Variants in ABLIM1 observed in about 807,000 individuals in gnomAD.
ABLIM1 encodes actin binding LIM protein 1.
A neutral mutation model predicts 107.0 loss-of-function variants in ABLIM1; 40 were observed. That is an observed-to-expected ratio of 0.37 (90% CI 0.29 to 0.49). The LOEUF is 0.49. ABLIM1 is among the 20% of genes least tolerant of loss of function. ABLIM1 has a pLI of 0.97. For missense variants in ABLIM1, 857 were observed against 1,008.5 expected (o/e 0.85, Z 2.04); for synonymous variants, 357 against 357.3 (o/e 1.00, Z 0.01).
intron 1 of ABLIM1, among the ~76,000 whole-genome samples, chr10:114,709,665 A>G (rs1443166657): frequency 6.6e-6 from 1 of 152,236 alleles, no homozygotes; most frequent in Non-Finnish European, 1.5e-5. Flanking sequence ...CATAGAAAAA[A>G]CTACAAAGTT....
chr10:114,669,819 GGGGGATCT>G (rs1325891161), intron 1 of ABLIM1, among the ~76,000 whole-genome samples: 1 of 152,140 alleles, frequency 6.6e-6, no homozygotes, highest in East Asian at 1.9e-4. Context: ...CGGGAGGGAA[GGGGGATCT>G]GGGGATCTGG....
intron 1 of ABLIM1, among the ~76,000 whole-genome samples, chr10:114,696,530 T>C (rs546555667): frequency 6.6e-6 from 1 of 152,194 alleles, no homozygotes; most frequent in East Asian, 1.9e-4. Flanking sequence ...TTCTCATGTG[T>C]TGTGGGAGGG....
intron 6 of ABLIM1, among the ~76,000 whole-genome samples, chr10:114,518,791 T>C (rs986744815): frequency 4.0e-5 from 6 of 150,494 alleles, no homozygotes; most frequent in Admixed American, 6.6e-5. Flanking sequence ...AGTTATTCAT[T>C]TATTTATTTA....
At chr10:114,500,441 C>A (rs1479141717) in intron 6 of ABLIM1, among the ~76,000 whole-genome samples, 1 of 151,928 alleles carries the variant, frequency 6.6e-6, no homozygotes, top group Non-Finnish European at 1.5e-5. Context: ...ATGGTTTGTG[C>A]CTGTAACCCC....
intron 6 of ABLIM1, among the ~76,000 whole-genome samples, chr10:114,497,800 T>A (rs1464318718): frequency 1.3e-5 from 2 of 152,090 alleles, no homozygotes; most frequent in East Asian, 3.9e-4. Context: ...CAACTGACAA[T>A]TTGCTTATTT....
intron 1 of ABLIM1, among the ~76,000 whole-genome samples, chr10:114,704,754 T>C (rs1316609172): frequency 6.6e-6 from 1 of 152,086 alleles, no homozygotes; most frequent in East Asian, 1.9e-4. Flanking sequence ...CTCTCTGTTA[T>C]AGGGTATTGC....
chr10:114,519,430 C>T (rs74854123), intron 6 of ABLIM1, among the ~76,000 whole-genome samples: 2 of 152,152 alleles, frequency 1.3e-5, no homozygotes, highest in African/African-American at 4.8e-5. Context: ...TTTTCCCCGC[C>T]CAGCACATGT....
At chr10:114,744,025 C>A (rs746759139) in intron 1 of ABLIM1, among the ~76,000 whole-genome samples, 1 of 152,150 alleles carries the variant, frequency 6.6e-6, no homozygotes, top group African/African-American at 2.4e-5. Flanking sequence ...TAATGGCAGC[C>A]TAAGTTGGCC....
intron 6 of ABLIM1, among the ~76,000 whole-genome samples, chr10:114,540,686 T>C (rs771674637): frequency 4.6e-5 from 7 of 152,178 alleles, no homozygotes; most frequent in Non-Finnish European, 1.0e-4. Flanking sequence ...GACCTTTCTC[T>C]TTCTCAAAGG....
At chr10:114,570,596 G>GTTTT (rs57963013) in intron 4 of ABLIM1, among the ~76,000 whole-genome samples, 1 of 68,016 alleles carries the variant, frequency 1.5e-5, no homozygotes, top group Non-Finnish European at 2.6e-5. Flanking sequence ...ATTTTTCTGG[G>GTTTT]TTTTTTTTTT....
chr10:114,722,953 G>A (rs1027891669), intron 1 of ABLIM1, among the ~76,000 whole-genome samples: 32 of 152,100 alleles, frequency 2.1e-4, no homozygotes, highest in Non-Finnish European at 7.3e-5. Context: ...GGCTGGATGT[G>A]TATATAGCTC....
chr10:114,605,535 C>T (rs1187512929), intron 1 of ABLIM1, among the ~76,000 whole-genome samples: 3 of 152,170 alleles, frequency 2.0e-5, no homozygotes, highest in Admixed American at 2.0e-4. Context: ...ATACTTAGCA[C>T]TCAGGCTCCC....
intron 2 of ABLIM1, among the ~76,000 whole-genome samples, chr10:114,580,436 C>T (rs1030460088): frequency 1.3e-5 from 2 of 152,030 alleles, no homozygotes; most frequent in African/African-American, 4.8e-5. Context: ...TGGTCTTGAA[C>T]TCTCGGCCTC....
intron 1 of ABLIM1, among the ~76,000 whole-genome samples, chr10:114,710,135 C>T (rs2141940685): frequency 6.6e-6 from 1 of 152,324 alleles, no homozygotes; most frequent in East Asian, 1.9e-4. Context: ...ACTTCTTTTA[C>T]AGCTCAACTG....
At chr10:114,716,225 G>A (rs564306542) in intron 1 of ABLIM1, among the ~76,000 whole-genome samples, 47 of 152,290 alleles carry the variant, frequency 3.1e-4, no homozygotes, top group Non-Finnish European at 6.3e-4. Context: ...AAGAAGTGGA[G>A]AAAATACAGA....
intron 1 of ABLIM1, among the ~76,000 whole-genome samples, chr10:114,602,425 T>C (rs1028495810): frequency 2.0e-5 from 3 of 152,234 alleles, no homozygotes; most frequent in Non-Finnish European, 4.4e-5. Flanking sequence ...CCTTCCCAGC[T>C]TCTTGGGACA....
intron 1 of ABLIM1, among the ~76,000 whole-genome samples, chr10:114,630,151 T>C (rs917454516): frequency 1.3e-5 from 2 of 152,208 alleles, no homozygotes; most frequent in Non-Finnish European, 2.9e-5. Flanking sequence ...TGATCTATAA[T>C]ATATACCATA....
upstream of ABLIM1, among the ~76,000 whole-genome samples, chr10:114,686,775 T>G (rs1223621789): frequency 2.0e-5 from 3 of 151,818 alleles, no homozygotes; most frequent in African/African-American, 7.3e-5. Flanking sequence ...ACTACAGGCA[T>G]GTGCCACCAT....
At chr10:114,642,412 A>T (rs1374044503) in intron 1 of ABLIM1, among the ~76,000 whole-genome samples, 1 of 152,246 alleles carries the variant, frequency 6.6e-6, no homozygotes, top group Non-Finnish European at 1.5e-5. Flanking sequence ...AAGGACAAAG[A>T]TAATTTCAAT....
Sources: gnomAD v4.1 joint callset for allele counts (sites outside exome capture counted in the v4.1 genomes callset) on GRCh38, gnomAD v4.1.1 for gene constraint, MANE v1.5 for transcripts, NCBI Gene and HGNC (gene_info 2026-07-23, HGNC 2026-07-21) for gene names.